Variants in EXOC6B observed in about 807,000 individuals in gnomAD.
EXOC6B encodes SEC15 homolog B.
Under a neutral mutation model 113.5 loss-of-function variants are expected in EXOC6B, and 54 were observed. That is an observed-to-expected ratio of 0.48 (90% confidence interval 0.38 to 0.60). The LOEUF is 0.60. Among genes scored for constraint, EXOC6B ranks in the 20% least tolerant of loss-of-function variants. The pLI is 0.00. For missense variants in EXOC6B, 797 were observed against 977.5 expected (o/e 0.82, Z 2.46); for synonymous variants, 357 against 339.0 (o/e 1.05, Z -0.58).
At chr2:72,494,480 A>G (rs1415668081) in intron 15 of EXOC6B, among the ~76,000 whole-genome samples, 1 of 152,092 alleles carries the variant, frequency 6.6e-6, no homozygotes, top group East Asian at 1.9e-4. Flanking sequence ...CCCATGTTTC[A>G]TTTATTTTCT....
At chr2:72,183,093 A>T (rs1308965473) in intron 21 of EXOC6B, among the ~76,000 whole-genome samples, 4 of 151,952 alleles carry the variant, frequency 2.6e-5, no homozygotes, top group Non-Finnish European at 5.9e-5. Context: ...TTCATATTAC[A>T]TAGTAAGAAG....
chr2:72,605,582 G>A (rs951262088), intron 6 of EXOC6B, among the ~76,000 whole-genome samples: 2 of 152,144 alleles, frequency 1.3e-5, no homozygotes, highest in African/African-American at 4.8e-5. Flanking sequence ...CAAAATCATT[G>A]TAATAAGAAG....
intron 6 of EXOC6B, among the ~76,000 whole-genome samples, chr2:72,663,401 G>A (rs966503575): frequency 6.6e-6 from 1 of 152,194 alleles, no homozygotes; most frequent in Non-Finnish European, 1.5e-5. Flanking sequence ...AGCACAGGGA[G>A]TTTTAGAAAT....
intron 6 of EXOC6B, among the ~76,000 whole-genome samples, chr2:72,614,877 AGAG>A (rs1426197056): frequency 1.3e-5 from 2 of 152,146 alleles, no homozygotes; most frequent in African/African-American, 2.4e-5. Context: ...GAGCTTGAAA[AGAG>A]GAGGGCAGAA....
chr2:72,523,678 G>A (rs1701607039), intron 8 of EXOC6B, among the ~76,000 whole-genome samples: 1 of 150,752 alleles, frequency 6.6e-6, no homozygotes, highest in Non-Finnish European at 1.5e-5. Flanking sequence ...CTACTCGGGA[G>A]GCTGAGGCAG....
intron 20 of EXOC6B, among the ~76,000 whole-genome samples, chr2:72,223,692 T>G (rs1403405370): frequency 6.6e-6 from 1 of 151,772 alleles, no homozygotes; most frequent in Non-Finnish European, 1.5e-5. Flanking sequence ...GTTTTTTGTT[T>G]GTTTGTTTGT....
intron 7 of EXOC6B, among the ~76,000 whole-genome samples, chr2:72,564,271 C>A (rs2103736261): frequency 6.6e-6 from 1 of 152,260 alleles, no homozygotes; most frequent in Admixed American, 6.5e-5. Context: ...TACACAGACA[C>A]ACACACTCTC....
intron 20 of EXOC6B, among the ~76,000 whole-genome samples, chr2:72,308,440 G>T (rs374265143): frequency 6.6e-6 from 1 of 152,176 alleles, no homozygotes; most frequent in Non-Finnish European, 1.5e-5. Flanking sequence ...TAATGGAATG[G>T]ATAAGAAGGA....
chr2:72,349,646 A>G (rs1689534763), intron 19 of EXOC6B, among the ~76,000 whole-genome samples: 1 of 152,228 alleles, frequency 6.6e-6, no homozygotes, highest in Non-Finnish European at 1.5e-5. Context: ...AGGAGTGGAC[A>G]TGGAAGATTG....
At chr2:72,779,218 A>G (rs962482517) in intron 1 of EXOC6B, among the ~76,000 whole-genome samples, 1 of 151,980 alleles carries the variant, frequency 6.6e-6, no homozygotes, top group African/African-American at 2.4e-5. Context: ...TAGTGAGTAG[A>G]GCCATGATTA....
intron 6 of EXOC6B, among the ~76,000 whole-genome samples, chr2:72,659,019 T>C (rs1178991529): frequency 1.3e-5 from 2 of 152,168 alleles, no homozygotes; most frequent in African/African-American, 4.8e-5. Flanking sequence ...CCACCATCAT[T>C]TTCATTACCA....
At chr2:72,347,430 T>C (rs1414003689) in intron 19 of EXOC6B, among the ~76,000 whole-genome samples, 1 of 152,160 alleles carries the variant, frequency 6.6e-6, no homozygotes, top group African/African-American at 2.4e-5. Context: ...TCCGAAGCTA[T>C]GGCTATCTGA....
intron 20 of EXOC6B, among the ~76,000 whole-genome samples, chr2:72,296,434 A>G (rs961760973): frequency 2.0e-5 from 3 of 152,180 alleles, no homozygotes; most frequent in African/African-American, 7.2e-5. Flanking sequence ...AAAGAACTCC[A>G]TAAATATTTA....
chr2:72,579,257 A>T (rs186227935), intron 6 of EXOC6B, among the ~76,000 whole-genome samples: 98 of 152,258 alleles, frequency 6.4e-4, no homozygotes, highest in East Asian at 4.6e-3. Context: ...AACCATGAAA[A>T]TAGTAAGTTG....
intron 20 of EXOC6B, among the ~76,000 whole-genome samples, chr2:72,250,781 T>C (rs866579299): frequency 2.6e-5 from 4 of 152,148 alleles, no homozygotes; most frequent in Non-Finnish European, 5.9e-5. Context: ...TCAATTTCAA[T>C]TTGTTTCCTG....
intron 6 of EXOC6B, among the ~76,000 whole-genome samples, chr2:72,673,642 G>A (rs1676069904): frequency 6.6e-6 from 1 of 151,870 alleles, no homozygotes; most frequent in Non-Finnish European, 1.5e-5. Flanking sequence ...TGTGTTTAAA[G>A]GGAGATCCAG....
chr2:72,362,492 C>T (rs1690375862), intron 19 of EXOC6B, among the ~76,000 whole-genome samples: 1 of 151,906 alleles, frequency 6.6e-6, no homozygotes, highest in Non-Finnish European at 1.5e-5. Context: ...ATAACATTTC[C>T]ATGGCTGTTT....
intron 6 of EXOC6B, among the ~76,000 whole-genome samples, chr2:72,682,207 T>C (rs1457886955): frequency 1.3e-5 from 2 of 152,204 alleles, no homozygotes; most frequent in East Asian, 3.9e-4. Context: ...ATGAAAATAA[T>C]GTTTGAAAAT....
intron 13 of EXOC6B, among the ~76,000 whole-genome samples, chr2:72,497,761 G>A (rs902018287): frequency 6.6e-6 from 1 of 152,146 alleles, no homozygotes; most frequent in Non-Finnish European, 1.5e-5. Flanking sequence ...AGGGAAAGGG[G>A]TCTTGCAATA....
Sources: gnomAD v4.1 joint callset for allele counts (sites outside exome capture counted in the v4.1 genomes callset) on GRCh38, gnomAD v4.1.1 for gene constraint, MANE v1.5 for transcripts, NCBI Gene and HGNC (gene_info 2026-07-23, HGNC 2026-07-21) for gene names.